The following NRCAM variants were observed in gnomAD, a reference collection of about 807,000 sequenced individuals.
NRCAM encodes NgCAM-related cell adhesion molecule.
NRCAM carries 83 observed loss-of-function variants against 156.5 expected under a neutral mutation model. The observed-to-expected ratio is 0.53, with a 90% CI of 0.44 to 0.64. NRCAM has a LOEUF of 0.64. Among genes scored for constraint, NRCAM ranks in the 30% least tolerant of loss-of-function variants. NRCAM has a pLI of 0.00. For synonymous variants in NRCAM, 538 were observed against 563.9 expected (o/e 0.95, Z 0.65); for missense variants, 1,417 against 1,597.3 (o/e 0.89, Z 1.92).
chr7:108,150,270 A>C, intron 32 of NRCAM, 123 bp from the exon 33 acceptor site: 1 of 783,864 alleles, frequency 1.3e-6, no homozygotes, highest in Non-Finnish European at 2.1e-6. Flanking sequence ...GGCCAAATCT[A>C]ATTTTCAGGT....
At chr7:108,359,913 T>A (rs2284287) in intron 2 of NRCAM, among the ~76,000 whole-genome samples, 44,378 of 152,062 alleles carry the variant, frequency 0.29, 6,863 homozygotes, top group East Asian at 0.57. Context: ...ATTTCATTCC[T>A]ATAGATGAGT....
intron 2 of NRCAM, among the ~76,000 whole-genome samples, chr7:108,378,676 C>CACACAG (rs1554580239): frequency 4.4e-4 from 58 of 132,488 alleles, no homozygotes; most frequent in African/African-American, 1.5e-3. Flanking sequence ...CACACACACA[C>CACACAG]ACACACACAC....
intron 1 of NRCAM, among the ~76,000 whole-genome samples, chr7:108,418,664 C>T (rs963699825): frequency 4.0e-5 from 6 of 151,800 alleles, no homozygotes; most frequent in East Asian, 1.9e-4. Flanking sequence ...TTATTGAGCA[C>T]GTAAGCACTT....
chr7:108,315,683 G>T (rs764205363), intron 2 of NRCAM, among the ~76,000 whole-genome samples: 4 of 152,210 alleles, frequency 2.6e-5, no homozygotes, highest in Non-Finnish European at 5.9e-5. Flanking sequence ...GACTAAACTT[G>T]TTGGGACTTG....
chr7:108,275,567 G>T (rs554293664), intron 3 of NRCAM, among the ~76,000 whole-genome samples: 1 of 152,214 alleles, frequency 6.6e-6, no homozygotes, highest in African/African-American at 2.4e-5. Context: ...GTATTTCTGC[G>T]GGATCGATGG....
rs1563276868 is a variant in NRCAM, at chr7:108,178,076, G to A, written c.2888C>T (p.Pro963Leu). Residue 963 changes from proline (P) to leucine (L), a missense_variant, in exon 26 of 33, where the codon CCA (proline) becomes CTA (leucine). Physicochemically the swap from Pro to Leu is moderately conservative, Grantham distance 98. Around this residue, in one of 2 missense-constraint regions of NRCAM, gnomAD observed 1,238 missense variants for 1,336.4 expected, o/e 0.93. Transcript: ENST00000379028. ...TTCCAAAGTGAGAGAGTCCAGTGTT[G>A]GATTCACAATCTTCAAAGACGAGGG... ...SAPSSLKIVNPTLDSLTLEWD... is the reference protein window; with the variant it reads ...SAPSSLKIVNLTLDSLTLEWD... 2.5e-6 allele frequency: 4 copies of A among 1,613,166 alleles called. No homozygotes were observed. The highest frequency in any genetic ancestry group is 1.7e-5 in the Admixed American group (1 of 59,968).
At chr7:108,228,675 T>C (rs1485940412) in intron 8 of NRCAM, among the ~76,000 whole-genome samples, 1 of 152,258 alleles carries the variant, frequency 6.6e-6, no homozygotes. Context: ...CAGATGACTC[T>C]GAGACTTTAC....
intron 8 of NRCAM, among the ~76,000 whole-genome samples, chr7:108,227,601 G>A (rs996954516): frequency 2.0e-5 from 3 of 152,170 alleles, no homozygotes; most frequent in Non-Finnish European, 4.4e-5. Flanking sequence ...GCAGGGAGGT[G>A]GAACGATTGA....
At chr7:108,229,968 T>C (rs1425233449) in intron 8 of NRCAM, among the ~76,000 whole-genome samples, 5 of 152,122 alleles carry the variant, frequency 3.3e-5, no homozygotes, top group African/African-American at 7.2e-5. Flanking sequence ...GAAAAAATAA[T>C]TGGACATGCC....
intron 7 of NRCAM, among the ~76,000 whole-genome samples, chr7:108,231,665 G>GA (rs2094350064): frequency 6.6e-6 from 1 of 152,092 alleles, no homozygotes; most frequent in Non-Finnish European, 1.5e-5. Flanking sequence ...ATCTGCCTAG[G>GA]AAAAAATAGA....
At chr7:108,316,655 G>A (rs1209447137) in intron 2 of NRCAM, among the ~76,000 whole-genome samples, 1 of 151,968 alleles carries the variant, frequency 6.6e-6, no homozygotes, top group African/African-American at 2.4e-5. Context: ...TGTAGTGGCA[G>A]GCATCTGTAG....
At chr7:108,350,816 G>A (rs1440791868) in intron 2 of NRCAM, among the ~76,000 whole-genome samples, 3 of 151,598 alleles carry the variant, frequency 2.0e-5, no homozygotes, top group Non-Finnish European at 4.4e-5. Flanking sequence ...TCAATTTCCA[G>A]TAGACAGCTT....
At chr7:108,159,152 TG>T in intron 32 of NRCAM, 1 of 458,378 alleles carries the variant, frequency 2.2e-6, no homozygotes, top group Non-Finnish European at 4.0e-6. Context: ...TCTTTTTTGT[TG>T]TTTTAATGCT....
chr7:108,399,107 T>C (rs1223772316), intron 2 of NRCAM, among the ~76,000 whole-genome samples: 3 of 152,128 alleles, frequency 2.0e-5, no homozygotes, highest in Non-Finnish European at 4.4e-5. Context: ...ATAGAGACCC[T>C]AAATACATAA....
At chr7:108,451,534 C>T (rs1271855802) in intron 1 of NRCAM, among the ~76,000 whole-genome samples, 3 of 151,874 alleles carry the variant, frequency 2.0e-5, no homozygotes, top group African/African-American at 4.8e-5. Flanking sequence ...TTGCAATAGC[C>T]AAAAGATGAA....
intron 2 of NRCAM, among the ~76,000 whole-genome samples, chr7:108,382,449 AT>A (rs1014497618): frequency 1.3e-5 from 2 of 151,722 alleles, no homozygotes; most frequent in East Asian, 1.9e-4. Context: ...AATTAAATTA[AT>A]TTTTTTTAAT....
intron 2 of NRCAM, among the ~76,000 whole-genome samples, chr7:108,353,567 C>T (rs896523238): frequency 2.6e-5 from 4 of 152,116 alleles, no homozygotes; most frequent in African/African-American, 4.8e-5. Context: ...GCAATCTTCC[C>T]GCTTCAACCT....
rs2050729751 is a variant in NRCAM, at chr7:108,163,485, AAT to A, written c.3467-2995_3467-2994del. Among the ~76,000 whole-genome samples, 12 of 152,344 alleles carry A rather than the reference AAT, an allele frequency of 7.9e-5. No individual in the cohort carries two copies. The South Asian group carries it at 2.3e-3, about 29-fold the overall frequency. ...ACTATGGATGAAAATGTCCTGTTCA[AAT>A]GCTTAGACATCAAACGCTTAGATGT... On this transcript the variant is annotated intron_variant, in intron 30 of 32. Transcript: ENST00000379028.
intron 2 of NRCAM, among the ~76,000 whole-genome samples, chr7:108,329,112 AT>A (rs1254981709): frequency 6.6e-6 from 1 of 152,032 alleles, no homozygotes; most frequent in African/African-American, 2.4e-5. Context: ...CCCCCTACCT[AT>A]TTATTTCTGA....
Sources: allele counts gnomAD v4.1 joint callset (sites outside exome capture counted in the v4.1 genomes callset), GRCh38; gene constraint gnomAD v4.1.1; regional missense constraint gnomAD v4.1.1; transcripts MANE v1.5; gene names NCBI Gene and HGNC (gene_info 2026-07-23, HGNC 2026-07-21).